PSMD1: variants seen among roughly 807,000 people sequenced by gnomAD.
PSMD1 encodes proteasome 26S subunit, non-ATPase 1.
PSMD1 carries 18 observed loss-of-function variants against 119.0 expected under a neutral mutation model. That is an observed-to-expected ratio of 0.15 (90% CI 0.10 to 0.22). PSMD1 has a LOEUF of 0.22. Among genes scored for constraint, PSMD1 ranks in the 10% least tolerant of loss-of-function variants. The probability of loss-of-function intolerance (pLI) is 1.00; values close to 1 mark genes in which losing one functional copy is unlikely to be tolerated. For synonymous variants in PSMD1, 374 were observed against 396.6 expected, an observed-to-expected ratio of 0.94 and a Z score of 0.68; for missense variants, 702 against 1,158.5, an observed-to-expected ratio of 0.61 and a Z score of 5.72.
At chr2:231,077,993 C>A (rs1351228078) in intron 9 of PSMD1, among the ~76,000 whole-genome samples, 1 of 152,110 alleles carries the variant, frequency 6.6e-6, no homozygotes, top group Non-Finnish European at 1.5e-5. Context: ...TTTGACCAGG[C>A]ACGATGGCTT....
intron 16 of PSMD1, among the ~76,000 whole-genome samples, chr2:231,094,284 AAATTGATGC>A (rs1694672591): frequency 6.6e-6 from 1 of 152,100 alleles, no homozygotes; most frequent in Non-Finnish European, 1.5e-5. Flanking sequence ...TTTGGTGGAA[AAATTGATGC>A]AATTGGGTGG....
chr2:231,072,085 G>A, intron 6 of PSMD1, 104 bp from the exon 7 acceptor site: 3 of 913,832 alleles, frequency 3.3e-6, no homozygotes, highest in East Asian at 2.6e-5. Flanking sequence ...TAGTTTGCCT[G>A]TGCTTATATT....
chr2:231,154,925 G>A (rs1430266052), intron 19 of PSMD1, among the ~76,000 whole-genome samples: 1 of 152,162 alleles, frequency 6.6e-6, no homozygotes, highest in Non-Finnish European at 1.5e-5. Flanking sequence ...TGCATACAGA[G>A]CACACTGTGC....
In PSMD1 at chr2:231,079,973, G is replaced by C. The variant is rs367636475; in HGVS notation, c.1240-168G>C. ...CAGAGTGTAACTGGGTCTCTTTAAAGGCTTGTCCTCTTGTTTGAGTTATAC... is the reference window on the plus strand; with the variant it reads ...CAGAGTGTAACTGGGTCTCTTTAAACGCTTGTCCTCTTGTTTGAGTTATAC... On this transcript the variant is annotated intron_variant, in intron 11 of 24. Transcript: ENST00000308696. Among the ~76,000 whole-genome samples, 7 of 151,992 alleles carry C rather than the reference G, an allele frequency of 4.6e-5. No individual in the cohort carries two copies. The East Asian group carries it at 7.7e-4, about 17-fold the overall frequency.
intron 7 of PSMD1, among the ~76,000 whole-genome samples, chr2:231,073,546 C>G (rs1391337916): frequency 6.6e-6 from 1 of 151,892 alleles, no homozygotes; most frequent in Non-Finnish European, 1.5e-5. Flanking sequence ...TGTGGGTGTT[C>G]TGATTGGGAT....
intron 4 of PSMD1, among the ~76,000 whole-genome samples, chr2:231,063,458 C>T (rs1693809475): frequency 6.6e-6 from 1 of 152,180 alleles, no homozygotes; most frequent in Non-Finnish European, 1.5e-5. Context: ...CAGGAGTGTG[C>T]AGTGCAGATA....
chr2:231,136,840 G>A (rs554298197), intron 16 of PSMD1, among the ~76,000 whole-genome samples: 25 of 150,770 alleles, frequency 1.7e-4, no homozygotes, highest in African/African-American at 4.6e-4. Flanking sequence ...CTGTGAATTC[G>A]TCTCCTGACC....
chr2:231,136,443 A>G (rs1436912113), intron 16 of PSMD1, among the ~76,000 whole-genome samples: 11 of 152,256 alleles, frequency 7.2e-5, no homozygotes, highest in Admixed American at 7.2e-4. Context: ...CCCTTGGGCC[A>G]ATAGTTTATG....
At chr2:231,085,392 T>A (rs1694407563) in intron 15 of PSMD1, among the ~76,000 whole-genome samples, 1 of 152,226 alleles carries the variant, frequency 6.6e-6, no homozygotes, top group Non-Finnish European at 1.5e-5. Context: ...CACCCTCATT[T>A]GTAAGGGATA....
chr2:231,098,512 T>A lies in PSMD1; in HGVS notation c.1883+11331T>A, dbSNP rs550632996. On this transcript the variant is annotated intron_variant, in intron 16 of 24. Coordinates refer to ENST00000308696, the MANE Select transcript of PSMD1 (RefSeq NM_002807.4). ...ATCTCTCTGACTCCCTCTTTTTCTG[T>A]CTCTTCTTCTCTTTCTCTCTCTGCC... is the stretch of plus-strand genomic sequence containing the variant. Among the ~76,000 whole-genome samples, 13 of 151,892 alleles carry A rather than the reference T, an allele frequency of 8.6e-5. 1 individual carries two copies. In the East Asian group the frequency reaches 2.5e-3, roughly 29 times the overall value.
chr2:231,081,165 A>G (rs1362278297), intron 12 of PSMD1, among the ~76,000 whole-genome samples: 2 of 151,544 alleles, frequency 1.3e-5, no homozygotes, highest in South Asian at 2.1e-4. Context: ...AAAAAAAAAA[A>G]AGATTGAAGC....
chr2:231,108,255 G>T, intron 16 of PSMD1: 1 of 350,948 alleles, frequency 2.8e-6, no homozygotes, highest in East Asian at 5.6e-5. Context: ...GAAATTTATT[G>T]ATTTGACTTT....
chr2:231,136,021 A>G (rs576488678), intron 16 of PSMD1, among the ~76,000 whole-genome samples: 1 of 152,294 alleles, frequency 6.6e-6, no homozygotes, highest in Middle Eastern at 3.4e-3. Context: ...AGGCTGGAGG[A>G]CAGTTCCAAC....
chr2:231,154,129 C>A (rs1247944504), intron 19 of PSMD1, among the ~76,000 whole-genome samples: 4 of 149,234 alleles, frequency 2.7e-5, no homozygotes, highest in African/African-American at 9.9e-5. Context: ...ACAAAAAAAC[C>A]AAAAAAAAGT....
At chr2:231,152,529 A>T (rs1696396359) in intron 18 of PSMD1, among the ~76,000 whole-genome samples, 1 of 152,182 alleles carries the variant, frequency 6.6e-6, no homozygotes, top group South Asian at 2.1e-4. Flanking sequence ...GTAGTAACTT[A>T]CCCAAACAGC....
intron 16 of PSMD1, among the ~76,000 whole-genome samples, chr2:231,118,905 T>C (rs1418801533): frequency 6.6e-6 from 1 of 152,240 alleles, no homozygotes; most frequent in African/African-American, 2.4e-5. Flanking sequence ...ATACTTCTTA[T>C]GTCCAAAAAG....
rs184859610 is a variant in PSMD1, at chr2:231,168,872, A to G, written c.2716-1694A>G. Among the ~76,000 whole-genome samples the G allele has an allele frequency of 7.2e-5, 11 of 152,334 alleles. No individual in the cohort carries two copies. In the East Asian group the frequency reaches 2.1e-3, roughly 29 times the overall value. ...CTCCCCTACCCTCAGTGGCAAGGTC[A>G]TGGGACCCTTCCTCAGACACTGCAT... is the stretch of plus-strand genomic sequence containing the variant. On this transcript the variant is annotated intron_variant, in intron 23 of 24. Transcript: ENST00000308696.
intron 23 of PSMD1, among the ~76,000 whole-genome samples, chr2:231,168,458 A>G (rs1382231785): frequency 6.6e-6 from 1 of 152,240 alleles, no homozygotes; most frequent in African/African-American, 2.4e-5. Flanking sequence ...ATGGAATATT[A>G]TTTGACCATA....
intron 16 of PSMD1, among the ~76,000 whole-genome samples, chr2:231,104,550 C>CT (rs148767589): frequency 0.15 from 22,311 of 152,032 alleles, 3,395 homozygotes; most frequent in African/African-American, 0.38. Context: ...TCTCTATGTT[C>CT]TCTAAGTTTT....
Sources: gnomAD v4.1 joint callset for allele counts (sites outside exome capture counted in the v4.1 genomes callset) on GRCh38, gnomAD v4.1.1 for gene constraint, MANE v1.5 for transcripts, NCBI Gene and HGNC (gene_info 2026-07-23, HGNC 2026-07-21) for gene names.